The following PIEZO2 variants were observed in gnomAD, a reference collection of about 807,000 sequenced individuals.
PIEZO2 encodes the protein piezo type mechanosensitive ion channel component 2, also known as piezo-type mechanosensitive ion channel component 2.
PIEZO2 carries 172 observed loss-of-function variants against 337.3 expected under a neutral mutation model. The ratio of observed to expected loss-of-function variants is 0.51; its 90% CI spans 0.45 to 0.58. The LOEUF (loss-of-function observed/expected upper bound fraction) is 0.58. Among genes scored for constraint, PIEZO2 ranks in the 20% least tolerant of loss-of-function variants. The pLI is 0.00. For missense variants in PIEZO2, 3,028 were observed against 3,391.3 expected, an observed-to-expected ratio of 0.89 and a Z score of 2.66; for synonymous variants, 1,251 against 1,228.5, an observed-to-expected ratio of 1.02 and a Z score of -0.38.
rs2042856793 is a variant in PIEZO2 at position 10,895,044 on chromosome 18, T to A, written c.329+16142A>T. Among the ~76,000 whole-genome samples, 1 of 152,208 alleles carries A rather than the reference T, an allele frequency of 6.6e-6. No homozygotes were observed. Among genetic ancestry groups the A allele is most frequent in the Non-Finnish European group, 1.5e-5 (1 of 68,038 alleles). On this transcript the variant is annotated intron_variant, in intron 4 of 55. Coordinates refer to ENST00000674853, the MANE Select transcript of PIEZO2 (RefSeq NM_001378183.1). The surrounding 1 kb of genome is among the most constrained non-coding windows in gnomAD (Gnocchi z 4.8). ...GCCCGTGCTCTTGCATGGTCATTCC[T>A]CCCCCTGAAGCCTCAGTGGGCTGTC...
Position 10,676,001 on chromosome 18 carries a change from A to G in PIEZO2, c.8082-713T>C, listed in dbSNP as rs967562622. 2.0e-5 allele frequency among the ~76,000 whole-genome samples: 3 copies of G among 152,160 alleles called. No homozygotes were observed. The highest frequency in any genetic ancestry group is 4.8e-5 in the African/African-American group (2 of 41,436). On this transcript the variant is annotated intron_variant, in intron 53 of 55. Transcript: ENST00000674853. The surrounding 1 kb of genome is among the most constrained non-coding windows in gnomAD (Gnocchi z 5.1). The stretch of plus-strand genomic sequence containing the variant: ...AGTCAATTCAACCTCTTTCCTTTAT[A>G]AATTACCCAGTCTCAGGTATGTGTT...
intron 7 of PIEZO2, among the ~76,000 whole-genome samples, chr18:10,835,694 C>T (rs2040987885): frequency 6.6e-6 from 1 of 152,190 alleles, no homozygotes; most frequent in South Asian, 2.1e-4. Flanking sequence ...CAGGCACGTG[C>T]TACCACACCT....
At chr18:10,786,697 TTTATG>T (rs1168459590) in intron 16 of PIEZO2, among the ~76,000 whole-genome samples, 2 of 152,234 alleles carry the variant, frequency 1.3e-5, no homozygotes, top group Non-Finnish European at 2.9e-5. Flanking sequence ...AGTCTGCTAC[TTTATG>T]TTATAAGTGC....
chr18:11,052,381 G>C (rs1049086817), intron 2 of PIEZO2, among the ~76,000 whole-genome samples: 2 of 152,166 alleles, frequency 1.3e-5, no homozygotes, highest in Non-Finnish European at 2.9e-5. Flanking sequence ...TAACATGTGA[G>C]ATCACATACA....
In PIEZO2 at chr18:10,758,091, A is replaced by C; in HGVS notation, c.3801T>G (p.Ile1267Met). The C allele has an allele frequency of 6.5e-7, 1 of 1,537,618 alleles. No individual in the cohort carries two copies. The highest frequency in any genetic ancestry group is 8.7e-7 in the Non-Finnish European group (1 of 1,146,916). Residue 1267 changes from isoleucine (I) to methionine (M), a missense_variant, in exon 27 of 56, where the codon ATT becomes ATG. By Grantham distance (10) the Ile-to-Met change is conservative. Coordinates refer to ENST00000674853, the MANE Select transcript of PIEZO2 (RefSeq NM_001378183.1). The stretch of plus-strand genomic sequence containing the variant: ...CTGCAGCCTTGTTCTCATCCTCAAA[A>C]ATCTGCCGTTGTAAGGAGGCACACA... ...LLLCASLQRQ[I>M]FEDENKAAVR...
intron 1 of PIEZO2, among the ~76,000 whole-genome samples, chr18:11,084,797 C>T (rs1294086366): frequency 1.3e-5 from 2 of 152,220 alleles, no homozygotes; most frequent in Admixed American, 1.3e-4. Context: ...GGAAACACTG[C>T]TCCCAGGATC....
rs780064057 is a variant in PIEZO2, at chr18:10,988,428, A to T, written c.161-8768T>A. 1.7e-4 allele frequency among the ~76,000 whole-genome samples: 26 copies of T among 152,342 alleles called. No homozygotes were observed. Among genetic ancestry groups the T allele is most frequent in the South Asian group, 1.7e-3 (8 of 4,830 alleles). On this transcript the variant is annotated intron_variant, in intron 2 of 55. Coordinates refer to ENST00000674853, the MANE Select transcript of PIEZO2 (RefSeq NM_001378183.1). This position sits in a 1 kb window ranked among gnomAD's most constrained non-coding sequence, Gnocchi z 4.8. ...GTTAAGATGACTATTTTTGAAAAACAAAAGATAACAAGTGTTGGAGAGGGA... is the reference window on the plus strand; with the variant it reads ...GTTAAGATGACTATTTTTGAAAAACTAAAGATAACAAGTGTTGGAGAGGGA...
Position 11,047,968 on chromosome 18 carries a change from C to T in PIEZO2, c.160+18159G>A, listed in dbSNP as rs2037378574. Reference sequence around the variant, plus strand: ...CGTGAAATCCACATGCAATCCTGCACACACGCATGCTCAGGTACTCCAGGC... The same window carrying T: ...CGTGAAATCCACATGCAATCCTGCATACACGCATGCTCAGGTACTCCAGGC... On this transcript the variant is annotated intron_variant, in intron 2 of 55. Coordinates refer to ENST00000674853, the MANE Select transcript of PIEZO2 (RefSeq NM_001378183.1). This position sits in a 1 kb window ranked among gnomAD's most constrained non-coding sequence, Gnocchi z 7.2. Among the ~76,000 whole-genome samples the T allele has an allele frequency of 6.6e-6, 1 of 152,132 alleles. No homozygotes were observed. The highest frequency in any genetic ancestry group is 6.5e-5 in the Admixed American group (1 of 15,272).
intron 3 of PIEZO2, among the ~76,000 whole-genome samples, chr18:10,974,475 C>T (rs1346836670): frequency 6.6e-6 from 1 of 152,158 alleles, no homozygotes; most frequent in East Asian, 1.9e-4. Context: ...GGACAAATAT[C>T]CAAGCAAGGG....
At chr18:11,100,998 C>T (rs1253649868) in intron 1 of PIEZO2, among the ~76,000 whole-genome samples, 4 of 152,176 alleles carry the variant, frequency 2.6e-5, no homozygotes, top group Admixed American at 2.6e-4. Flanking sequence ...TCATAGTTAA[C>T]TCAAGGAATT....
chr18:10,715,116 C>G (rs1567977404), intron 38 of PIEZO2, among the ~76,000 whole-genome samples, 186 bp from the exon 39 acceptor site: 1 of 152,150 alleles, frequency 6.6e-6, no homozygotes, highest in African/African-American at 2.4e-5. Context: ...CTAGGTAGAT[C>G]TAAGTAAATG....
Position 10,671,736 on chromosome 18 carries a change from AT to A in PIEZO2, c.8388del (p.Lys2796AsnfsTer26). ...LYASVVLVIG[K>X]FVREFFSGIS... Reference sequence around the variant, plus strand: ...ATCCCACTGAAGAATTCACGGACAAATTTCCCAATCACAAGGACAACTGAAG... The same window carrying A: ...ATCCCACTGAAGAATTCACGGACAAATTCCCAATCACAAGGACAACTGAAG... On this transcript the variant is annotated frameshift_variant, in exon 56 of 56. Transcript: ENST00000674853. LOFTEE classifies it high-confidence loss of function. The A allele has an allele frequency of 6.2e-7, 1 of 1,613,944 alleles. No homozygotes were observed. Among genetic ancestry groups the A allele is most frequent in the Non-Finnish European group, 8.5e-7 (1 of 1,179,940 alleles).
At position 10,894,121 on chromosome 18, in the gene PIEZO2, C is replaced by T. The variant is rs540009359; in HGVS notation, c.329+17065G>A. Among the ~76,000 whole-genome samples, 45 of 152,256 alleles carry T rather than the reference C, an allele frequency of 3.0e-4. No homozygotes were observed. The South Asian group carries it at 9.1e-3, about 31-fold the overall frequency. On this transcript the variant is annotated intron_variant, in intron 4 of 55. Transcript: ENST00000674853. This position sits in a 1 kb window ranked among gnomAD's most constrained non-coding sequence, Gnocchi z 4.1. ...GTGATCAGCAGCTTCCTGATAAAAT[C>T]CCAGGAGGTGGGTGAATGGGCTCAA... is the stretch of plus-strand genomic sequence containing the variant.
At chr18:10,845,828 G>T (rs1620676) in intron 7 of PIEZO2, among the ~76,000 whole-genome samples, 109,151 of 152,140 alleles carry the variant, frequency 0.72, 39,595 homozygotes, top group East Asian at 0.92. Flanking sequence ...AAGGATAAAG[G>T]TCTTTTGGAG....
rs976839727 is a variant in PIEZO2 at position 10,748,080 on chromosome 18, G to A, written c.4424+391C>T. ...AGGTAGTAATGCAAATTGTGTCAGT[G>A]GCTCAGAGAAGAAAAGCAGGTTAGT... On this transcript the variant is annotated intron_variant, in intron 30 of 55. Coordinates refer to ENST00000674853, the MANE Select transcript of PIEZO2 (RefSeq NM_001378183.1). The surrounding 1 kb of genome is among the most constrained non-coding windows in gnomAD (Gnocchi z 5.1). 2.0e-5 allele frequency among the ~76,000 whole-genome samples: 3 copies of A among 152,174 alleles called. No homozygotes were observed. The highest frequency in any genetic ancestry group is 1.5e-5 in the Non-Finnish European group (1 of 68,036).
intron 4 of PIEZO2, among the ~76,000 whole-genome samples, chr18:10,909,739 T>C (rs1371798970): frequency 5.3e-5 from 8 of 152,234 alleles, no homozygotes; most frequent in Admixed American, 4.6e-4. Context: ...TTTCATATTA[T>C]GAAAGAAGGA....
intron 7 of PIEZO2, among the ~76,000 whole-genome samples, chr18:10,852,921 T>C (rs531651390): frequency 2.6e-5 from 4 of 152,200 alleles, no homozygotes; most frequent in Non-Finnish European, 5.9e-5. Flanking sequence ...TTCTCTAAAA[T>C]AGTAATTGGT....
chr18:11,069,127 A>G lies in PIEZO2; in HGVS notation c.65-2905T>C, dbSNP rs960463493. 6.6e-6 allele frequency among the ~76,000 whole-genome samples: 1 copy of G among 152,068 alleles called. No homozygotes were observed. The highest frequency in any genetic ancestry group is 2.4e-5 in the African/African-American group (1 of 41,326). ...AGGAGAAATAATATCAATTCTTCTCAAATTCTTCCAAGAAAATTAAAGAAG... is the reference window on the plus strand; with the variant it reads ...AGGAGAAATAATATCAATTCTTCTCGAATTCTTCCAAGAAAATTAAAGAAG... On this transcript the variant is annotated intron_variant, in intron 1 of 55. Coordinates refer to ENST00000674853, the MANE Select transcript of PIEZO2 (RefSeq NM_001378183.1). The surrounding 1 kb of genome is among the most constrained non-coding windows in gnomAD (Gnocchi z 4.9).
At chr18:10,749,186 G>T (rs2037547455) in intron 29 of PIEZO2, among the ~76,000 whole-genome samples, 1 of 152,160 alleles carries the variant, frequency 6.6e-6, no homozygotes, top group African/African-American at 2.4e-5. Flanking sequence ...AAGACTGGGT[G>T]TGGTGGTTCA....
Sources: gnomAD v4.1 joint callset for allele counts (sites outside exome capture counted in the v4.1 genomes callset) on GRCh38, gnomAD v4.1.1 for gene constraint, Gnocchi (gnomAD v3.1) non-coding constraint, MANE v1.5 for transcripts, NCBI Gene and HGNC (gene_info 2026-07-23, HGNC 2026-07-21) for gene names.